DPP6: variants seen among roughly 807,000 people sequenced by gnomAD.
DPP6 encodes dipeptidyl peptidase like 6, also known as A-type potassium channel modulatory protein DPP6.
DPP6 carries 69 observed loss-of-function variants against 122.6 expected under a neutral mutation model. That is an observed-to-expected ratio of 0.56 (90% CI 0.46 to 0.69). DPP6 has a LOEUF of 0.69. Ranked by LOEUF, DPP6 falls within the 30% of genes least tolerant of loss-of-function variation. The probability of loss-of-function intolerance (pLI) is 0.00; values close to 1 mark genes in which losing one functional copy is unlikely to be tolerated. For synonymous variants in DPP6, 418 were observed against 433.1 expected, an observed-to-expected ratio of 0.97 and a Z score of 0.43; for missense variants, 928 against 1,116.9, an observed-to-expected ratio of 0.83 and a Z score of 2.41.
At chr7:154,364,463 T>C (rs1811987219) in intron 1 of DPP6, among the ~76,000 whole-genome samples, 1 of 151,782 alleles carries the variant, frequency 6.6e-6, no homozygotes, top group South Asian at 2.1e-4. Flanking sequence ...GATCTGAAAC[T>C]CCCCAGTTAA....
At chr7:154,727,913 G>C in intron 8 of DPP6, 26 bp downstream of exon 8, 2 of 1,562,162 alleles carry the variant, frequency 1.3e-6, no homozygotes. Flanking sequence ...AGAGAAAAAA[G>C]GAAGATTTGT....
chr7:154,594,608 T>C (rs916806801), intron 5 of DPP6, among the ~76,000 whole-genome samples: 15 of 152,320 alleles, frequency 9.8e-5, no homozygotes, highest in Admixed American at 6.5e-4. Flanking sequence ...TCCACTCTTA[T>C]GTTTTTATTT....
intron 1 of DPP6, among the ~76,000 whole-genome samples, chr7:154,031,035 C>G (rs1252346627): frequency 2.6e-5 from 4 of 151,958 alleles, no homozygotes; most frequent in South Asian, 4.2e-4. Flanking sequence ...GCTCACATGC[C>G]CAAGCTCTCC....
intron 3 of DPP6, among the ~76,000 whole-genome samples, chr7:154,538,545 GA>G (rs1052022075): frequency 2.0e-5 from 3 of 152,140 alleles, no homozygotes; most frequent in African/African-American, 7.2e-5. Context: ...TGGAACTCGT[GA>G]GGGGGTGTCA....
At chr7:154,135,533 C>T (rs966159832) in intron 1 of DPP6, among the ~76,000 whole-genome samples, 13 of 151,840 alleles carry the variant, frequency 8.6e-5, no homozygotes, top group African/African-American at 2.9e-4. Flanking sequence ...TGTAAACTTC[C>T]TGTGAGCATA....
In DPP6 at chr7:154,191,273, G is replaced by T. The variant is rs368577434; in HGVS notation, c.243+138210G>T. Among the ~76,000 whole-genome samples, 4 of 152,210 alleles carry T rather than the reference G, an allele frequency of 2.6e-5. No individual in the cohort carries two copies. The South Asian group carries it at 6.2e-4, about 24-fold the overall frequency. On this transcript the variant is annotated intron_variant, in intron 1 of 25. Coordinates refer to ENST00000377770, the MANE Select transcript of DPP6 (RefSeq NM_130797.4). Reference sequence around the variant, plus strand: ...TTACATGGTCACGGGCATCTTAATGGAAAGAAGACTGCTAATCATTGACAT... The same window carrying T: ...TTACATGGTCACGGGCATCTTAATGTAAAGAAGACTGCTAATCATTGACAT...
At chr7:154,477,527 A>ATT (rs1822852793) in intron 3 of DPP6, among the ~76,000 whole-genome samples, 1 of 151,012 alleles carries the variant, frequency 6.6e-6, no homozygotes, top group African/African-American at 2.4e-5. Flanking sequence ...GCAGCATTCC[A>ATT]TGCCAAAAAA....
intron 1 of DPP6, among the ~76,000 whole-genome samples, chr7:154,125,386 G>A (rs962018236): frequency 5.3e-5 from 8 of 152,094 alleles, no homozygotes; most frequent in Non-Finnish European, 8.8e-5. Flanking sequence ...ATTAAATTAC[G>A]TTCCTTTTAC....
At chr7:154,059,088 T>C (rs1184560354) in intron 1 of DPP6, 1 of 139,128 alleles carries the variant, frequency 7.2e-6, no homozygotes, top group Non-Finnish European at 1.5e-5. Context: ...CCCCTCTGGC[T>C]CTTAGGAACC....
chr7:153,829,862 A>G, the DPP6 span, among the ~76,000 whole-genome samples: 2 of 152,194 alleles, frequency 1.3e-5, no homozygotes, highest in Non-Finnish European at 1.5e-5. Context: ...AACCTTAGGC[A>G]TAGACAGCGG....
intron 1 of DPP6, among the ~76,000 whole-genome samples, chr7:154,009,711 C>A (rs966298320): frequency 1.3e-5 from 2 of 151,212 alleles, no homozygotes; most frequent in African/African-American, 4.9e-5. Flanking sequence ...GGGCCCTGAG[C>A]CCTCACAGCA....
At chr7:153,825,882 C>T in the DPP6 span, among the ~76,000 whole-genome samples, 5 of 152,118 alleles carry the variant, frequency 3.3e-5, no homozygotes, top group Non-Finnish European at 7.4e-5. Flanking sequence ...TTTCTACCTT[C>T]TGTGTCTAAC....
At position 154,892,611 on chromosome 7, in the gene DPP6, C is replaced by T. The variant is rs185002396; in HGVS notation, c.*131C>T. The stretch of plus-strand genomic sequence containing the variant: ...CGGGTGTTCCATAGCATGTGTGTCT[C>T]GGATGCGGAAGGCAGTTTTGCTTGG... On this transcript the variant is annotated 3_prime_UTR_variant, in exon 26 of 26. Transcript: ENST00000377770. 6 of 1,524,008 alleles carry T rather than the reference C, an allele frequency of 3.9e-6. No homozygotes were observed. Among genetic ancestry groups the T allele is most frequent in the South Asian group, 1.2e-5 (1 of 80,070 alleles). 94.4% of individuals were successfully genotyped at this position (1,524,008 alleles called of 1,614,324 possible). A position where few individuals can be genotyped will look rare whatever the true frequency, so the allele number is the denominator to read the frequency against.
chr7:154,474,278 A>G (rs1337582390), intron 2 of DPP6, among the ~76,000 whole-genome samples: 1 of 152,240 alleles, frequency 6.6e-6, no homozygotes, highest in Non-Finnish European at 1.5e-5. Flanking sequence ...TCACCCACTG[A>G]CGCCATTAAC....
At chr7:154,442,186 C>T (rs1238849425) in intron 1 of DPP6, among the ~76,000 whole-genome samples, 1 of 152,138 alleles carries the variant, frequency 6.6e-6, no homozygotes, top group Non-Finnish European at 1.5e-5. Context: ...ACTATGTTGT[C>T]CCAAGTTTTG....
chr7:154,359,464 T>C (rs1052659068), intron 1 of DPP6, among the ~76,000 whole-genome samples: 1 of 152,108 alleles, frequency 6.6e-6, no homozygotes, highest in Non-Finnish European at 1.5e-5. Flanking sequence ...TGTGTCCTGC[T>C]CCTCCTCACC....
At chr7:153,764,378 A>G in the DPP6 span, among the ~76,000 whole-genome samples, 2 of 151,084 alleles carry the variant, frequency 1.3e-5, no homozygotes, top group Non-Finnish European at 2.9e-5. Flanking sequence ...CCTCCCTGGC[A>G]TGTTCCTTGC....
intron 1 of DPP6, among the ~76,000 whole-genome samples, chr7:153,902,194 C>T (rs375004019): frequency 2.0e-5 from 3 of 152,142 alleles, no homozygotes; most frequent in Non-Finnish European, 4.4e-5. Context: ...AGATGCAACC[C>T]ATTAAATACA....
intron 5 of DPP6, among the ~76,000 whole-genome samples, chr7:154,577,272 G>T (rs1383648011): frequency 2.0e-5 from 3 of 152,104 alleles, no homozygotes; most frequent in Admixed American, 6.5e-5. Context: ...TTAGAACATG[G>T]GAGGGTGGGA....
Sources: allele counts gnomAD v4.1 joint callset (sites outside exome capture counted in the v4.1 genomes callset), GRCh38; gene constraint gnomAD v4.1.1; transcripts MANE v1.5; gene names NCBI Gene and HGNC (gene_info 2026-07-23, HGNC 2026-07-21).